Variants in GABRA3 observed in about 807,000 individuals in gnomAD.
The protein encoded by GABRA3 is gamma-aminobutyric acid type A receptor subunit alpha3, also known as gamma-aminobutyric acid receptor subunit alpha-3.
GABRA3 carries 10 observed loss-of-function variants against 30.1 expected under a neutral mutation model. The observed-to-expected ratio is 0.33, with a 90% confidence interval of 0.20 to 0.56. The LOEUF is 0.56. Among genes scored for constraint, GABRA3 ranks in the 20% least tolerant of loss-of-function variants. The pLI, the probability that GABRA3 is intolerant of heterozygous loss-of-function variation, is 0.89. For synonymous variants in GABRA3, 151 were observed against 146.8 expected, an observed-to-expected ratio of 1.03 and a Z score of -0.21; for missense variants, 233 against 392.0, an observed-to-expected ratio of 0.59 and a Z score of 3.42.
intron 6 of GABRA3, among the ~76,000 whole-genome samples, chrX:152,217,542 G>T (rs769999169): frequency 1.8e-5 from 2 of 111,400 alleles, no homozygotes; most frequent in East Asian, 5.7e-4. Flanking sequence ...GTATTGATTG[G>T]TATCAAGTCT....
chrX:152,310,533 C>T (rs1039443450), intron 3 of GABRA3, among the ~76,000 whole-genome samples: 7 of 111,153 alleles, frequency 6.3e-5, no homozygotes, highest in African/African-American at 2.3e-4. Context: ...ATATGACACA[C>T]CAGAATCTCC....
chrX:152,385,071 C>T (rs1164023325), intron 1 of GABRA3, among the ~76,000 whole-genome samples: 3 of 111,452 alleles, frequency 2.7e-5, no homozygotes, highest in African/African-American at 9.8e-5. Context: ...GCTCTCACCA[C>T]AAACTAATTG....
chrX:152,420,366 A>G (rs1236168046), intron 1 of GABRA3, among the ~76,000 whole-genome samples: 1 of 111,672 alleles, frequency 9.0e-6, no homozygotes, highest in Non-Finnish European at 1.9e-5. Context: ...CTACAGATAA[A>G]TTAGTAGCAT....
chrX:152,204,248 G>A (rs1026083480), intron 7 of GABRA3, among the ~76,000 whole-genome samples: 1 of 111,793 alleles, frequency 8.9e-6, no homozygotes, highest in South Asian at 3.8e-4. Context: ...GGAACCATCA[G>A]AAGTAAAACA....
intron 4 of GABRA3, among the ~76,000 whole-genome samples, chrX:152,278,751 C>T (rs1939139780): frequency 8.9e-6 from 1 of 111,862 alleles, no homozygotes; most frequent in South Asian, 3.7e-4. Flanking sequence ...TCCTATTTCT[C>T]CACATCCTCT....
intron 3 of GABRA3, among the ~76,000 whole-genome samples, chrX:152,322,723 G>T (rs1480491283): frequency 9.3e-6 from 1 of 107,710 alleles, no homozygotes; most frequent in Non-Finnish European, 1.9e-5. Context: ...TAGTAAAAAT[G>T]GGGTTTCACC....
chrX:152,268,775 G>A (rs1329666567), intron 4 of GABRA3, among the ~76,000 whole-genome samples: 3 of 111,294 alleles, frequency 2.7e-5, no homozygotes, highest in East Asian at 5.7e-4. Flanking sequence ...TTGTGATGTT[G>A]CCCAGGCTGG....
intron 1 of GABRA3, among the ~76,000 whole-genome samples, chrX:152,367,537 A>G (rs1459578306): frequency 8.9e-6 from 1 of 111,987 alleles, no homozygotes; most frequent in Non-Finnish European, 1.9e-5. Context: ...ATGACTTGCA[A>G]ATTAATATCT....
At chrX:152,309,118 C>A (rs2056730151) in intron 3 of GABRA3, among the ~76,000 whole-genome samples, 1 of 111,569 alleles carries the variant, frequency 9.0e-6, no homozygotes, top group South Asian at 3.8e-4. Flanking sequence ...TGAACAAAAC[C>A]CCCAAGAAAT....
At chrX:152,385,632 A>G (rs757971857) in intron 1 of GABRA3, among the ~76,000 whole-genome samples, 1 of 111,760 alleles carries the variant, frequency 8.9e-6, no homozygotes, top group East Asian at 2.8e-4. Context: ...TTTTGTTGCC[A>G]TTGCTTTTGG....
intron 1 of GABRA3, among the ~76,000 whole-genome samples, chrX:152,396,837 T>C (rs2124519536): frequency 8.9e-6 from 1 of 112,092 alleles, no homozygotes; most frequent in Non-Finnish European, 1.9e-5. Flanking sequence ...GCTTGATACA[T>C]GGGCAAATAT....
chrX:152,252,826 G>T (rs949928936), intron 5 of GABRA3, among the ~76,000 whole-genome samples: 1 of 111,370 alleles, frequency 9.0e-6, no homozygotes, highest in Non-Finnish European at 1.9e-5. Flanking sequence ...ATAGGGCCAA[G>T]ACCACCTGGC....
At chrX:152,186,047 C>T (rs1937249006) in intron 9 of GABRA3, among the ~76,000 whole-genome samples, 1 of 110,973 alleles carries the variant, frequency 9.0e-6, no homozygotes, top group African/African-American at 3.3e-5. Flanking sequence ...TTCATTAATA[C>T]CAGCTTATAA....
intron 5 of GABRA3, among the ~76,000 whole-genome samples, chrX:152,233,978 T>C (rs1340588124): frequency 2.0e-5 from 2 of 99,084 alleles, no homozygotes; most frequent in Non-Finnish European, 4.0e-5. Context: ...TTCTCACTCA[T>C]AGGTGGGAAT....
intron 1 of GABRA3, among the ~76,000 whole-genome samples, chrX:152,446,493 A>G (rs900408692): frequency 3.7e-5 from 4 of 108,504 alleles, no homozygotes; most frequent in Non-Finnish European, 5.7e-5. Flanking sequence ...TTTTCCTTCC[A>G]TATCCCTGAC....
At chrX:152,325,996 G>T (rs1037191728) in intron 3 of GABRA3, among the ~76,000 whole-genome samples, 4 of 111,175 alleles carry the variant, frequency 3.6e-5, no homozygotes, top group Non-Finnish European at 7.5e-5. Context: ...AAACAGTGTA[G>T]AGAAGACCTT....
At chrX:152,321,407 A>T (rs942459311) in intron 3 of GABRA3, among the ~76,000 whole-genome samples, 4 of 111,659 alleles carry the variant, frequency 3.6e-5, no homozygotes, top group Non-Finnish European at 5.6e-5. Flanking sequence ...GGGAATTCCA[A>T]TGTGCATCAA....
intron 5 of GABRA3, among the ~76,000 whole-genome samples, chrX:152,231,599 T>C: frequency 9.0e-6 from 1 of 111,395 alleles, no homozygotes; most frequent in East Asian, 2.8e-4. Flanking sequence ...TGGCAGTTTC[T>C]TAAAAAGTTT....
chrX:152,385,578 C>T (rs1479831233), intron 1 of GABRA3, among the ~76,000 whole-genome samples: 1 of 111,902 alleles, frequency 8.9e-6, no homozygotes, highest in Non-Finnish European at 1.9e-5. Flanking sequence ...TTTTGCTGTG[C>T]AGAAGCTCTT....
Sources: gnomAD v4.1 joint callset for allele counts (sites outside exome capture counted in the v4.1 genomes callset) on GRCh38, gnomAD v4.1.1 for gene constraint, MANE v1.5 for transcripts, NCBI Gene and HGNC (gene_info 2026-07-23, HGNC 2026-07-21) for gene names.